Variants in GLRB observed in about 807,000 individuals in gnomAD.
GLRB encodes glycine receptor subunit beta.
A neutral mutation model predicts 54.2 loss-of-function variants in GLRB; 33 were observed. The ratio of observed to expected loss-of-function variants is 0.61; its 90% confidence interval spans 0.46 to 0.81. The LOEUF is 0.81. GLRB is among the 40% of genes least tolerant of loss of function. GLRB has a pLI of 0.00. For missense variants in GLRB, 572 were observed against 584.6 expected (o/e 0.98, Z 0.22); for synonymous variants, 209 against 208.2 (o/e 1.00, Z -0.03).
chr4:157,161,537 A>G (rs1411309658), intron 9 of GLRB, among the ~76,000 whole-genome samples: 1 of 152,164 alleles, frequency 6.6e-6, no homozygotes, highest in Admixed American at 6.5e-5. Flanking sequence ...TGGTGACAAA[A>G]TCTCTCAGCA....
intron 2 of GLRB, among the ~76,000 whole-genome samples, chr4:157,108,728 C>T (rs73856829): frequency 0.15 from 23,175 of 152,000 alleles, 1,941 homozygotes; most frequent in African/African-American, 0.23. Flanking sequence ...GTTTATAAAG[C>T]AGCAGGAGTT....
chr4:157,124,519 CATAA>C (rs1403586397), intron 4 of GLRB, among the ~76,000 whole-genome samples: 4 of 151,784 alleles, frequency 2.6e-5, no homozygotes, highest in South Asian at 2.1e-4. Context: ...ATGGTGAACA[CATAA>C]ATAAATATTT....
In GLRB at chr4:157,089,355, C is replaced by T. The variant is rs546238329; in HGVS notation, c.122+11209C>T. 5.9e-5 allele frequency among the ~76,000 whole-genome samples: 9 copies of T among 152,204 alleles called. No individual in the cohort carries two copies. In the East Asian group the frequency reaches 9.7e-4, roughly 16 times the overall value. On this transcript the variant is annotated intron_variant, in intron 2 of 9. Coordinates refer to ENST00000264428, the MANE Select transcript of GLRB (RefSeq NM_000824.5). ...ACAAGGTTGCAGTGAGCCATTATTG[C>T]GATCATGCTACTGCACTCCAGCCTG...
At chr4:157,092,766 G>A (rs891991344) in intron 2 of GLRB, among the ~76,000 whole-genome samples, 1 of 152,182 alleles carries the variant, frequency 6.6e-6, no homozygotes, top group African/African-American at 2.4e-5. Context: ...CGTAGGATGT[G>A]GAGAGTGTTT....
chr4:157,084,382 A>G (rs937504495), intron 2 of GLRB, among the ~76,000 whole-genome samples: 10 of 152,162 alleles, frequency 6.6e-5, no homozygotes, highest in African/African-American at 2.2e-4. Flanking sequence ...CCATACTTGT[A>G]TCTTAGGTCT....
At chr4:157,114,628 C>A (rs1434298473) in intron 2 of GLRB, among the ~76,000 whole-genome samples, 1 of 151,598 alleles carries the variant, frequency 6.6e-6, no homozygotes, top group Non-Finnish European at 1.5e-5. Flanking sequence ...GTTGTCATGC[C>A]TTCTTGTGCT....
At chr4:157,123,388 G>T (rs766962710) in intron 4 of GLRB, among the ~76,000 whole-genome samples, 2 of 151,600 alleles carry the variant, frequency 1.3e-5, no homozygotes, top group Non-Finnish European at 2.9e-5. Flanking sequence ...CATTATAAAA[G>T]CAATTGTACA....
chr4:157,105,090 T>C (rs1328362462), intron 2 of GLRB, among the ~76,000 whole-genome samples: 1 of 151,772 alleles, frequency 6.6e-6, no homozygotes, highest in Non-Finnish European at 1.5e-5. Flanking sequence ...CTTTGGGCTT[T>C]TTTTTTCTTT....
intron 2 of GLRB, among the ~76,000 whole-genome samples, chr4:157,089,470 G>C (rs1054641192): frequency 6.6e-6 from 1 of 152,104 alleles, no homozygotes; most frequent in African/African-American, 2.4e-5. Context: ...CTTTATTTTA[G>C]GTCCTTGTTA....
chr4:157,140,645 T>C (rs939838730), intron 7 of GLRB, among the ~76,000 whole-genome samples: 5 of 151,950 alleles, frequency 3.3e-5, no homozygotes, highest in African/African-American at 4.8e-5. Flanking sequence ...GCTAATGAAA[T>C]AGACCCTTGC....
At chr4:157,104,103 G>A (rs1735136649) in intron 2 of GLRB, among the ~76,000 whole-genome samples, 1 of 152,004 alleles carries the variant, frequency 6.6e-6, no homozygotes, top group South Asian at 2.1e-4. Flanking sequence ...AACAGAAGTG[G>A]CAAGAATGGG....
At chr4:157,091,052 A>G (rs1057410788) in intron 2 of GLRB, among the ~76,000 whole-genome samples, 2 of 152,148 alleles carry the variant, frequency 1.3e-5, no homozygotes, top group African/African-American at 2.4e-5. Context: ...ATGGCTTTTC[A>G]TGGAACTATT....
intron 4 of GLRB, among the ~76,000 whole-genome samples, chr4:157,124,007 C>T (rs1449366484): frequency 6.6e-6 from 1 of 151,614 alleles, no homozygotes; most frequent in Non-Finnish European, 1.5e-5. Context: ...TACTGAATTC[C>T]TTCCAACTAT....
intron 2 of GLRB, among the ~76,000 whole-genome samples, chr4:157,115,996 C>G (rs79392431): frequency 0.012 from 1,840 of 151,846 alleles, 23 homozygotes; most frequent in Non-Finnish European, 0.016. Flanking sequence ...ATACAATATA[C>G]TCATCCACAC....
intron 2 of GLRB, among the ~76,000 whole-genome samples, chr4:157,115,175 A>G (rs1336935977): frequency 6.6e-6 from 1 of 150,814 alleles, no homozygotes; most frequent in Non-Finnish European, 1.5e-5. Context: ...TGTTGCTCAA[A>G]TCATTGCAGC....
intron 9 of GLRB, among the ~76,000 whole-genome samples, chr4:157,166,466 T>G (rs78368985): frequency 5.3e-4 from 80 of 152,222 alleles, no homozygotes; most frequent in African/African-American, 1.9e-3. Context: ...ATTTTCTTTG[T>G]GTAAAATCTG....
At chr4:157,131,750 G>C (rs1021595242) in intron 4 of GLRB, among the ~76,000 whole-genome samples, 12 of 151,672 alleles carry the variant, frequency 7.9e-5, no homozygotes, top group African/African-American at 2.4e-4. Flanking sequence ...TCTTCTCATG[G>C]CTTGATTGTT....
intron 4 of GLRB, among the ~76,000 whole-genome samples, chr4:157,127,813 C>A (rs1360879472): frequency 6.6e-6 from 1 of 151,834 alleles, no homozygotes; most frequent in African/African-American, 2.4e-5. Context: ...TTCAAAGGAA[C>A]CAGCCCCTCA....
intron 9 of GLRB, among the ~76,000 whole-genome samples, chr4:157,164,347 C>T (rs1737632446): frequency 6.6e-6 from 1 of 152,134 alleles, no homozygotes; most frequent in Admixed American, 6.6e-5. Flanking sequence ...ACCTGAGAGC[C>T]TTATGTTATG....
Sources: gnomAD v4.1 joint callset for allele counts (sites outside exome capture counted in the v4.1 genomes callset) on GRCh38, gnomAD v4.1.1 for gene constraint, MANE v1.5 for transcripts, NCBI Gene and HGNC (gene_info 2026-07-23, HGNC 2026-07-21) for gene names.